TTC19: variants seen among roughly 807,000 people sequenced by gnomAD.
The protein encoded by TTC19 is tetratricopeptide repeat protein 19, mitochondrial.
TTC19 carries 38 observed loss-of-function variants against 49.5 expected under a neutral mutation model. The observed-to-expected ratio is 0.77, with a 90% CI of 0.59 to 1.01. The LOEUF is 1.01. Ranked by LOEUF, TTC19 falls within the 50% of genes least tolerant of loss-of-function variation. TTC19 has a pLI of 0.00. For missense variants in TTC19, 475 were observed against 477.7 expected, an observed-to-expected ratio of 0.99 and a Z score of 0.05; for synonymous variants, 204 against 185.2, an observed-to-expected ratio of 1.10 and a Z score of -0.83.
intron 7 of TTC19, among the ~76,000 whole-genome samples, chr17:16,011,681 T>C (rs895802057): frequency 1.3e-5 from 2 of 152,162 alleles, no homozygotes; most frequent in Admixed American, 1.3e-4. Context: ...TATTGCCAAA[T>C]TGCCATTGAA....
At chr17:16,022,265 A>G (rs892475111) in intron 7 of TTC19, among the ~76,000 whole-genome samples, 4 of 152,042 alleles carry the variant, frequency 2.6e-5, no homozygotes, top group Non-Finnish European at 5.9e-5. Flanking sequence ...GCTTACTCCT[A>G]ATTTGTGGCT....
intron 2 of TTC19, among the ~76,000 whole-genome samples, chr17:16,036,698 T>A (rs996811416): frequency 5.9e-5 from 9 of 152,210 alleles, no homozygotes; most frequent in Non-Finnish European, 1.3e-4. Context: ...TTCTCATCTG[T>A]GGCTTCCTCG....
At chr17:16,044,998 A>AG in exon 3 of TTC19, 1 of 469,528 alleles carries the variant, frequency 2.1e-6, no homozygotes, top group Non-Finnish European at 3.9e-6. Context: ...GCTGAACTTA[A>AG]GAAAAAAAAA....
chr17:16,032,983 G>T (rs916264325), downstream of TTC19, among the ~76,000 whole-genome samples: 6 of 152,164 alleles, frequency 3.9e-5, no homozygotes, highest in African/African-American at 1.4e-4. Flanking sequence ...GGTAATTAAT[G>T]AACACTGCTA....
rs1971605311 is a variant in TTC19 at position 16,027,466 on chromosome 17, G to A, written c.1087G>A (p.Glu363Lys). The change falls in exon 10 of 10, where the codon GAG becomes AAG. Residue 363 changes from glutamate to lysine, a missense_variant. Coordinates refer to ENST00000261647, the MANE Select transcript of TTC19 (RefSeq NM_017775.4). The part of the protein sequence containing the change: ...DEISVQHIRE[E>K]LAELSKKSRP... ...AATTTCTGTACAACACATCAGGGAA[G>A]AGTTGGCTGAGCTGTCAAAGAAAAG... The A allele has an allele frequency of 6.2e-7, 1 of 1,614,114 alleles. No homozygotes were observed. Among genetic ancestry groups the A allele is most frequent in the Non-Finnish European group, 8.5e-7 (1 of 1,179,962 alleles).
chr17:16,033,049 G>C (rs1007076030), downstream of TTC19, among the ~76,000 whole-genome samples: 1 of 152,080 alleles, frequency 6.6e-6, no homozygotes, highest in Non-Finnish European at 1.5e-5. Context: ...TACAGCTTAA[G>C]AAAACGCAAA....
intron 7 of TTC19, among the ~76,000 whole-genome samples, chr17:16,020,364 CTT>C (rs1971336985): frequency 7.0e-6 from 1 of 142,860 alleles, no homozygotes; most frequent in African/African-American, 3.1e-5. Flanking sequence ...GAGGGGTTGT[CTT>C]TTTCTTAACG....
At chr17:16,004,338 T>C (rs1970830449) in intron 6 of TTC19, 76 bp downstream of exon 6, 15 of 1,382,402 alleles carry the variant, frequency 1.1e-5, no homozygotes, top group Non-Finnish European at 1.4e-5. Context: ...ATTCATTGTC[T>C]ACTGGTCATC....
chr17:16,000,625 GT>G (rs1970695921), intron 2 of TTC19, among the ~76,000 whole-genome samples: 1 of 152,132 alleles, frequency 6.6e-6, no homozygotes, highest in Admixed American at 6.5e-5. Flanking sequence ...ATGCGGTTCG[GT>G]TCTCCTCCTG....
At chr17:16,002,172 A>AT in intron 3 of TTC19, 147 bp downstream of exon 3, 1 of 709,064 alleles carries the variant, frequency 1.4e-6, no homozygotes, top group Non-Finnish European at 2.5e-6. Flanking sequence ...CTTCAGTTTC[A>AT]TTTTTTGTTT....
At chr17:16,021,419 G>A (rs1287454396) in intron 7 of TTC19, among the ~76,000 whole-genome samples, 1 of 152,094 alleles carries the variant, frequency 6.6e-6, no homozygotes, top group Non-Finnish European at 1.5e-5. Context: ...CAAAGTCACC[G>A]CCTCATGGAG....
At chr17:16,031,884 C>T, downstream of TTC19, 2 of 235,608 alleles carry the variant, frequency 8.5e-6, no homozygotes, top group East Asian at 1.2e-4. Context: ...TTAAAAATCA[C>T]CCCCAAAGTT....
exon 3 of TTC19, chr17:16,044,727 G>A (rs2058371739): frequency 1.4e-6 from 1 of 740,050 alleles, no homozygotes; most frequent in South Asian, 1.3e-5. Context: ...AAAGCAGCTG[G>A]TGTAAATGTT....
chr17:16,024,954 CATAT>C (rs1555530518), intron 7 of TTC19, 59 bp from the exon 8 acceptor site: 1 of 1,493,964 alleles, frequency 6.7e-7, no homozygotes, highest in Non-Finnish European at 9.3e-7. Context: ...ATTCTGCTGA[CATAT>C]TTGTGGGTCC....
intron 7 of TTC19, among the ~76,000 whole-genome samples, chr17:16,014,615 C>T (rs1204081415): frequency 6.6e-6 from 1 of 152,178 alleles, no homozygotes; most frequent in African/African-American, 2.4e-5. Context: ...TGAGTGCCAA[C>T]ATGATGCATA....
At chr17:16,040,646 GTAT>G in intron 2 of TTC19, 1 of 760,480 alleles carries the variant, frequency 1.3e-6, no homozygotes, top group South Asian at 1.6e-5. Flanking sequence ...TAAAATGGAA[GTAT>G]TTTTTTTTTT....
At chr17:16,032,949 A>T (rs527293998), downstream of TTC19, among the ~76,000 whole-genome samples, 1 of 152,334 alleles carries the variant, frequency 6.6e-6, no homozygotes, top group African/African-American at 2.4e-5. Context: ...GGCAGATTTT[A>T]AAGTCTACAA....
At position 15,999,878 on chromosome 17, in the gene TTC19, C is replaced by A; in HGVS notation, c.30C>A (p.Gly10=). MFRLLSWSL[G]RGFLRAAGRR... is the part of the protein sequence containing the mutation. The stretch of plus-strand genomic sequence containing the variant: ...TCCGGCTCCTGAGCTGGAGCCTGGG[C>A]CGAGGCTTCCTGCGGGCCGCGGGGC... The change falls in exon 1 of 10, where the codon GGC becomes GGA. Residue 10 remains glycine, a synonymous_variant. Coordinates refer to ENST00000261647, the MANE Select transcript of TTC19 (RefSeq NM_017775.4). 7.0e-7 allele frequency: 1 copy of A among 1,432,718 alleles called. No individual in the cohort carries two copies. Among genetic ancestry groups the A allele is most frequent in the Non-Finnish European group, 9.1e-7 (1 of 1,101,954 alleles). The allele number at this position is 1,432,718 out of a possible 1,614,324, so 88.8% of individuals were successfully genotyped here.
intron 7 of TTC19, chr17:16,024,576 A>G: frequency 4.7e-6 from 1 of 212,804 alleles, no homozygotes; most frequent in Admixed American, 5.5e-5. Context: ...AAGTGCTGTG[A>G]TTACAGGTGT....
Sources: gnomAD v4.1 joint callset for allele counts (sites outside exome capture counted in the v4.1 genomes callset) on GRCh38, gnomAD v4.1.1 for gene constraint, MANE v1.5 for transcripts, NCBI Gene and HGNC (gene_info 2026-07-23, HGNC 2026-07-21) for gene names.